The following HPS5 variants were observed in gnomAD, a reference collection of about 807,000 sequenced individuals.
HPS5 encodes the protein HPS5 biogenesis of lysosomal organelles complex 2 subunit 2, also known as BLOC-2 complex member HPS5.
A neutral mutation model predicts 128.0 loss-of-function variants in HPS5; 83 were observed. The observed-to-expected ratio is 0.65, with a 90% CI of 0.54 to 0.78. The LOEUF (loss-of-function observed/expected upper bound fraction) is 0.78. Ranked by LOEUF, HPS5 falls within the 30% of genes least tolerant of loss-of-function variation. The pLI is 0.00. For missense variants in HPS5, 1,281 were observed against 1,326.2 expected, an observed-to-expected ratio of 0.97 and a Z score of 0.53; for synonymous variants, 475 against 470.2, an observed-to-expected ratio of 1.01 and a Z score of -0.13.
intron 1 of HPS5, among the ~76,000 whole-genome samples, chr11:18,319,616 A>G (rs1422574013): frequency 1.3e-5 from 2 of 152,324 alleles, no homozygotes; most frequent in Admixed American, 1.3e-4. Context: ...ATTTCAAACC[A>G]AAGAACCTGA....
intron 8 of HPS5, 138 bp from the exon 9 acceptor site, chr11:18,301,054 G>A (rs954483378): frequency 2.8e-5 from 19 of 681,610 alleles, no homozygotes; most frequent in South Asian, 8.2e-5. Flanking sequence ...CCAGCTAATC[G>A]AGTCCTAACA....
rs1278018663 is a variant in HPS5, at chr11:18,306,215, C to T, written c.744G>A (p.Val248=). Residue 248 remains valine, a synonymous_variant, in exon 7 of 23, where the codon GTG becomes GTA. Transcript: ENST00000349215. The part of the protein sequence containing the change: ...CARPGSRMWE[V]NFDGEVISTH... ...TACTTATAACTTCTCCATCAAAGTTCACTTCCCACATCCTAGAGCCTGGGC... is the reference window on the plus strand; with the variant it reads ...TACTTATAACTTCTCCATCAAAGTTTACTTCCCACATCCTAGAGCCTGGGC... 1 of 1,614,114 alleles carries T rather than the reference C, an allele frequency of 6.2e-7. No homozygotes were observed. The highest frequency in any genetic ancestry group is 1.3e-5 in the African/African-American group (1 of 75,024).
At chr11:18,303,311 A>G (rs1260975722) in intron 8 of HPS5, among the ~76,000 whole-genome samples, 2 of 152,138 alleles carry the variant, frequency 1.3e-5, no homozygotes, top group African/African-American at 2.4e-5. Context: ...TGGGATGCAT[A>G]CTCATAATAC....
chr11:18,291,638 A>G lies in HPS5; in HGVS notation c.2244T>C (p.Asn748=). 1.2e-6 allele frequency: 2 copies of G among 1,614,228 alleles called. No individual in the cohort carries two copies. Among genetic ancestry groups the G allele is most frequent in the Non-Finnish European group, 1.7e-6 (2 of 1,180,044 alleles). The part of the protein sequence containing the change: ...AELTTLCLEL[N]VLNSKIKSTS... ...TGCTTTTGATCTTAGAATTCAATACATTCAACTCCAAACATAATGTTGTCA... is the reference window on the plus strand; with the variant it reads ...TGCTTTTGATCTTAGAATTCAATACGTTCAACTCCAAACATAATGTTGTCA... The change falls in exon 16 of 23, where the codon AAT becomes AAC. Residue 748 remains asparagine, a synonymous_variant. Transcript: ENST00000349215.
rs1408830300 is a variant in HPS5 at position 18,296,817 on chromosome 11, A to G, written c.1491T>C (p.Cys497=). 2.5e-6 allele frequency: 4 copies of G among 1,614,194 alleles called. No homozygotes were observed. Among genetic ancestry groups the G allele is most frequent in the Non-Finnish European group, 3.4e-6 (4 of 1,180,022 alleles). ...QQEEDLPDQC[C]GSHGNEDNVS... is the part of the protein sequence containing the mutation. ...CATCACCTTCATTTCCGTGTGAGCC[A>G]CAACACTGATCTGGCAGGTCCTCTT... Residue 497 remains cysteine, a synonymous_variant, in exon 12 of 23, where the codon TGT becomes TGC. Transcript: ENST00000349215.
intron 1 of HPS5, among the ~76,000 whole-genome samples, 164 bp from the exon 2 acceptor site, chr11:18,318,071 T>C (rs961127205): frequency 1.3e-5 from 2 of 152,200 alleles, no homozygotes; most frequent in South Asian, 2.1e-4. Context: ...TGTGTTTACA[T>C]TGTGTCATTC....
chr11:18,315,077 A>T (rs577845959), intron 2 of HPS5, among the ~76,000 whole-genome samples: 2 of 152,176 alleles, frequency 1.3e-5, no homozygotes, highest in South Asian at 4.2e-4. Context: ...TCTCCCTAAA[A>T]CGAGGGTTAC....
chr11:18,282,194 A>T lies in HPS5; in HGVS notation c.3085T>A (p.Trp1029Arg). The change falls in exon 22 of 23, where the codon TGG (tryptophan) becomes AGG (arginine). Residue 1029 changes from tryptophan (W) to arginine (R), a missense_variant. By Grantham distance (101) the Trp-to-Arg change is moderately radical. Transcript: ENST00000349215. Reference protein sequence around the residue: ...NGWIPETVEEWKLLLHLIQSK... With the variant: ...NGWIPETVEERKLLLHLIQSK... ...TGTATGAGATGAAGGAGAAGCTTCC[A>T]TTCCTCCACGGTCTCTGGGATCCAA... The T allele has an allele frequency of 6.2e-7, 1 of 1,614,190 alleles. No homozygotes were observed. The highest frequency in any genetic ancestry group is 8.5e-7 in the Non-Finnish European group (1 of 1,180,034).
chr11:18,311,914 C>T lies in HPS5; in HGVS notation c.219G>A (p.Arg73=), dbSNP rs1131692150. 1 of 1,591,250 alleles carries T rather than the reference C, an allele frequency of 6.3e-7. No individual in the cohort carries two copies. Residue 73 remains arginine, a splice_region_variant and synonymous_variant, in exon 3 of 23, where the codon AGG becomes AGA. Coordinates refer to ENST00000349215, the MANE Select transcript of HPS5 (RefSeq NM_181507.2). ...ATGACAGAGCTGCCCTTAATCTTACCCTGTGTGAAAGAAAAAGCCTGTGCT... is the reference window on the plus strand; with the variant it reads ...ATGACAGAGCTGCCCTTAATCTTACTCTGTGTGAAAGAAAAAGCCTGTGCT... The part of the protein sequence containing the change: ...GWKHRLFLSH[R]EGAISQVACC...
rs770838422 is a variant in HPS5, at chr11:18,296,084, T to G, written c.1549A>C (p.Lys517Gln). 6 of 1,613,414 alleles carry G rather than the reference T, an allele frequency of 3.7e-6. No individual in the cohort carries two copies. In the East Asian group the frequency reaches 1.3e-4, roughly 36 times the overall value. The stretch of plus-strand genomic sequence containing the variant: ...CCGAACGGGAGAAAAGTTTCATTCT[T>G]ATCTGTCTCAAACATCACTGGAGCA... ...SHAPVMFETD[K>Q]NETFLPFGIP... Residue 517 changes from lysine to glutamine, a missense_variant, in exon 13 of 23, where the codon AAG becomes CAG. By Grantham distance (53) the Lys-to-Gln change is moderately conservative (BLOSUM62 1). Transcript: ENST00000349215.
intron 2 of HPS5, among the ~76,000 whole-genome samples, chr11:18,316,528 T>C (rs959155693): frequency 5.3e-5 from 8 of 152,210 alleles, no homozygotes; most frequent in Non-Finnish European, 1.0e-4. Flanking sequence ...GTCAGTATCA[T>C]GGTTTCCAGG....
chr11:18,283,174 G>C (rs1269849782), intron 21 of HPS5, among the ~76,000 whole-genome samples: 2 of 151,896 alleles, frequency 1.3e-5, no homozygotes, highest in Non-Finnish European at 2.9e-5. Context: ...GTTAATTTTT[G>C]TATTTTTAGT....
At position 18,282,379 on chromosome 11, in the gene HPS5, G is replaced by C. The variant is rs531068560; in HGVS notation, c.3059-159C>G. 3.3e-5 allele frequency among the ~76,000 whole-genome samples: 5 copies of C among 151,744 alleles called. No individual in the cohort carries two copies. In the South Asian group the frequency reaches 1.0e-3, roughly 32 times the overall value. ...ACAAGTTGTTTTCTGAAAATTTGTT[G>C]TATAAATTGTTCATGAGAAAGAGAA... On this transcript the variant is annotated intron_variant, in intron 21 of 22. Transcript: ENST00000349215.
At position 18,297,570 on chromosome 11, in the gene HPS5, T is replaced by C. The variant is rs767281046; in HGVS notation, c.1312A>G (p.Ile438Val). Reference sequence around the variant, plus strand: ...GTGAGAATACTTACATGTGATGAAATGGAGCTTCTTCTACTGCTACAAGCT... The same window carrying C: ...GTGAGAATACTTACATGTGATGAAACGGAGCTTCTTCTACTGCTACAAGCT... The part of the protein sequence containing the change: ...DSACSSRRSS[I>V]SSHESFSILD... Residue 438 changes from isoleucine (I) to valine (V), a missense_variant, in exon 11 of 23, where the codon ATT becomes GTT. Transcript: ENST00000349215. 9.3e-6 allele frequency: 15 copies of C among 1,613,784 alleles called. No individual in the cohort carries two copies. Among genetic ancestry groups the C allele is most frequent in the Non-Finnish European group, 1.3e-5 (15 of 1,179,848 alleles).
At chr11:18,317,976 G>T in intron 1 of HPS5, 69 bp from the exon 2 acceptor site, 1 of 1,166,464 alleles carries the variant, frequency 8.6e-7, no homozygotes, top group Non-Finnish European at 1.2e-6. Flanking sequence ...TAACAAATAT[G>T]TGGGGAACAT....
intron 8 of HPS5, among the ~76,000 whole-genome samples, chr11:18,303,441 T>C (rs990595511): frequency 6.6e-6 from 1 of 152,200 alleles, no homozygotes; most frequent in Non-Finnish European, 1.5e-5. Context: ...GTGGCGTTAA[T>C]TGTTGCTTTA....
chr11:18,320,519 T>G (rs552755155), intron 1 of HPS5, among the ~76,000 whole-genome samples: 1 of 152,348 alleles, frequency 6.6e-6, no homozygotes, highest in South Asian at 2.1e-4. Flanking sequence ...CTTAGAGCTC[T>G]ACCATTATTC....
At position 18,295,130 on chromosome 11, in the gene HPS5, G is replaced by T; in HGVS notation, c.1674C>A (p.Gly558=). 4 of 1,614,124 alleles carry T rather than the reference G, an allele frequency of 2.5e-6. No homozygotes were observed. The highest frequency in any genetic ancestry group is 3.4e-6 in the Non-Finnish European group (4 of 1,180,000). Reference sequence around the variant, plus strand: ...TCAGATCAGGGCTCGTGTGAAGGGTGCCAATCTTCTCAGTAGTTTTACGCA... The same window carrying T: ...TCAGATCAGGGCTCGTGTGAAGGGTTCCAATCTTCTCAGTAGTTTTACGCA... ...SFVRKTTEKI[G]TLHTSPDLKV... is the part of the protein sequence containing the mutation. Residue 558 remains glycine (G), a synonymous_variant, in exon 14 of 23, where the codon GGC becomes GGA. Transcript: ENST00000349215.
At chr11:18,305,579 G>C in intron 7 of HPS5, 86 bp from the exon 8 acceptor site, 1 of 1,009,034 alleles carries the variant, frequency 9.9e-7, no homozygotes, top group South Asian at 1.4e-5. Context: ...GGAAATTTTT[G>C]CCTCCAAAAC....
Sources: allele counts gnomAD v4.1 joint callset (sites outside exome capture counted in the v4.1 genomes callset), GRCh38; gene constraint gnomAD v4.1.1; transcripts MANE v1.5; gene names NCBI Gene and HGNC (gene_info 2026-07-23, HGNC 2026-07-21).